BPNT2: variants seen among roughly 807,000 people sequenced by gnomAD.
BPNT2 encodes Golgi-resident adenosine 3',5'-bisphosphate 3'-phosphatase.
A neutral mutation model predicts 29.3 loss-of-function variants in BPNT2; 11 were observed. That is an observed-to-expected ratio of 0.38 (90% CI 0.24 to 0.62). BPNT2 has a LOEUF of 0.62. BPNT2 is among the 20% of genes least tolerant of loss of function. The pLI, the probability that BPNT2 is intolerant of heterozygous loss-of-function variation, is 0.62. For missense variants in BPNT2, 459 were observed against 473.4 expected, an observed-to-expected ratio of 0.97 and a Z score of 0.28; for synonymous variants, 195 against 187.7, an observed-to-expected ratio of 1.04 and a Z score of -0.32.
intron 1 of BPNT2, among the ~76,000 whole-genome samples, chr8:56,988,742 T>C (rs1806365916): frequency 6.6e-6 from 1 of 152,216 alleles, no homozygotes; most frequent in African/African-American, 2.4e-5. Context: ...ACTGACTCTT[T>C]GACAGCTAAC....
intron 1 of BPNT2, among the ~76,000 whole-genome samples, chr8:56,984,312 T>A (rs1806293834): frequency 6.6e-6 from 1 of 152,250 alleles, no homozygotes; most frequent in Non-Finnish European, 1.5e-5. Context: ...GAGTAACTGC[T>A]ATTTATAACC....
At position 56,993,442 on chromosome 8, in the gene BPNT2, G is replaced by A. The variant is rs933551742; in HGVS notation, c.144C>T (p.Gly48=). The A allele has an allele frequency of 2.7e-6, 4 of 1,476,272 alleles. No homozygotes were observed. In the South Asian group the frequency reaches 4.1e-5, roughly 15 times the overall value. 91.4% of individuals were successfully genotyped at this position (1,476,272 alleles called of 1,614,324 possible). The change falls in exon 1 of 5, where the codon GGC becomes GGT. Residue 48 remains glycine, a synonymous_variant. Transcript: ENST00000262644. ...LFGLGGEPGG[G]AAGPAAAADG... ...CGGCCGCGGCCGCGGGCCCCGCCGC[G>A]CCGCCGCCAGGCTCGCCGCCCAGGC...
chr8:56,962,638 A>G lies in BPNT2; in HGVS notation c.*1155T>C, dbSNP rs1805856545. ...CAGACTAGAAAAAAATTTCATCAAA[A>G]AGTACCTTCAACCTTCTCTATTTTA... On this transcript the variant is annotated 3_prime_UTR_variant, in exon 5 of 5. Coordinates refer to ENST00000262644, the MANE Select transcript of BPNT2 (RefSeq NM_017813.5). The G allele has an allele frequency of 6.6e-6, 1 of 152,184 alleles. No homozygotes were observed. Among genetic ancestry groups the G allele is most frequent in the Non-Finnish European group, 1.5e-5 (1 of 68,034 alleles). The allele number at this position is 152,184 out of a possible 1,614,324, so 9.4% of individuals were successfully genotyped here.
At chr8:56,980,329 C>G in intron 1 of BPNT2, 132 bp from the exon 2 acceptor site, 2 of 719,382 alleles carry the variant, frequency 2.8e-6, no homozygotes, top group South Asian at 3.5e-5. Context: ...TCTTTTGATG[C>G]TCCATATTGC....
intron 1 of BPNT2, among the ~76,000 whole-genome samples, chr8:56,981,480 A>G (rs543679341): frequency 2.6e-5 from 4 of 152,098 alleles, no homozygotes; most frequent in Non-Finnish European, 5.9e-5. Context: ...CAGGAGAATC[A>G]CTTGAACCCT....
At chr8:56,984,620 G>A (rs773749364) in intron 1 of BPNT2, among the ~76,000 whole-genome samples, 10 of 152,018 alleles carry the variant, frequency 6.6e-5, no homozygotes, top group Non-Finnish European at 1.3e-4. Context: ...ACATCTAATG[G>A]CTATATACGC....
chr8:56,978,213 AT>A, intron 2 of BPNT2, 68 bp from the exon 3 acceptor site: 1 of 990,350 alleles, frequency 1.0e-6, no homozygotes, highest in Admixed American at 1.7e-5. Flanking sequence ...AAGATACAAT[AT>A]TACACTTTAG....
At chr8:56,971,923 G>A (rs1226148402) in intron 3 of BPNT2, among the ~76,000 whole-genome samples, 2 of 151,134 alleles carry the variant, frequency 1.3e-5, no homozygotes, top group Admixed American at 6.6e-5. Flanking sequence ...GTGATACCCC[G>A]TCTCTACTAA....
intron 1 of BPNT2, among the ~76,000 whole-genome samples, chr8:56,992,331 C>A (rs1806430855): frequency 6.6e-6 from 1 of 152,114 alleles, no homozygotes; most frequent in African/African-American, 2.4e-5. Context: ...GGTGCTGCTA[C>A]GCTATGCTGA....
intron 1 of BPNT2, among the ~76,000 whole-genome samples, chr8:56,984,635 C>T (rs939289689): frequency 6.6e-6 from 1 of 152,210 alleles, no homozygotes; most frequent in Non-Finnish European, 1.5e-5. Context: ...ATACGCTAAA[C>T]TGCTTTGGAC....
rs1053705091 is a variant in BPNT2 at position 56,961,822 on chromosome 8, G to A, written c.*1971C>T. On this transcript the variant is annotated 3_prime_UTR_variant, in exon 5 of 5. Transcript: ENST00000262644. ...GCCATTGCACTCCAGCCTGGCCAAC[G>A]AGAGTGAAACTCTGTCTCGAAAAAA... 2 of 152,156 alleles carry A rather than the reference G, an allele frequency of 1.3e-5. No homozygotes were observed. The highest frequency in any genetic ancestry group is 2.4e-5 in the African/African-American group (1 of 41,434). 9.4% of individuals were successfully genotyped at this position (152,156 alleles called of 1,614,324 possible).
chr8:56,967,362 C>A (rs1257562276), intron 3 of BPNT2: 1 of 411,142 alleles, frequency 2.4e-6, no homozygotes, highest in East Asian at 7.1e-5. Context: ...TACCCATGCT[C>A]TGTACCTACA....
intron 2 of BPNT2, among the ~76,000 whole-genome samples, chr8:56,978,848 A>G (rs1331867081): frequency 1.3e-5 from 2 of 152,194 alleles, no homozygotes; most frequent in Non-Finnish European, 2.9e-5. Flanking sequence ...ATGAGAACAC[A>G]TGGACACATA....
intron 3 of BPNT2, among the ~76,000 whole-genome samples, chr8:56,975,241 A>G (rs1418382967): frequency 6.6e-6 from 1 of 152,186 alleles, no homozygotes; most frequent in African/African-American, 2.4e-5. Flanking sequence ...GCAAAAAGAG[A>G]GGAGTCAGAT....
At chr8:56,967,327 C>T (rs552058820) in intron 3 of BPNT2, 2 of 443,902 alleles carry the variant, frequency 4.5e-6, no homozygotes, top group Non-Finnish European at 9.0e-6. Flanking sequence ...AAACTATACA[C>T]AGCAACAAGA....
At chr8:56,972,777 G>A (rs2129204436) in intron 3 of BPNT2, among the ~76,000 whole-genome samples, 1 of 151,626 alleles carries the variant, frequency 6.6e-6, no homozygotes, top group African/African-American at 2.4e-5. Context: ...CAAGTCCCCA[G>A]ATGCCATTAA....
intron 4 of BPNT2, among the ~76,000 whole-genome samples, chr8:56,965,098 C>T (rs1044619176): frequency 6.6e-6 from 1 of 152,154 alleles, no homozygotes; most frequent in Non-Finnish European, 1.5e-5. Flanking sequence ...AGCAAGCAGA[C>T]TGCCTGAGCT....
In BPNT2 at chr8:56,963,795, A is replaced by G; in HGVS notation, c.1078T>C (p.Ter360ArgextTer2). Residue 360 changes from the stop codon to arginine (R), a stop_lost, in exon 5 of 5, where the codon TGA becomes CGA. Coordinates refer to ENST00000262644, the MANE Select transcript of BPNT2 (RefSeq NM_017813.5). The stretch of plus-strand genomic sequence containing the variant: ...CTGTACCCTGTAATCAGTTATGCTC[A>G]TTTATGTCCTGTCTTTTCTAGATCT... ...LPDLEKTGHK[*>R] The G allele has an allele frequency of 6.2e-7, 1 of 1,614,152 alleles. No homozygotes were observed. The highest frequency in any genetic ancestry group is 8.5e-7 in the Non-Finnish European group (1 of 1,180,034).
chr8:56,971,166 C>T (rs1310562163), intron 3 of BPNT2, among the ~76,000 whole-genome samples: 1 of 149,624 alleles, frequency 6.7e-6, no homozygotes, highest in East Asian at 2.0e-4. Flanking sequence ...GTGTCTAGTA[C>T]AGTAGGTGCT....
Sources: allele counts gnomAD v4.1 joint callset (sites outside exome capture counted in the v4.1 genomes callset), GRCh38; gene constraint gnomAD v4.1.1; transcripts MANE v1.5; gene names NCBI Gene and HGNC (gene_info 2026-07-23, HGNC 2026-07-21).